PNPLA2: variants seen among roughly 807,000 people sequenced by gnomAD.
The protein encoded by PNPLA2 is patatin-like phospholipase domain-containing protein 2.
PNPLA2 carries 28 observed loss-of-function variants against 39.7 expected under a neutral mutation model. That is an observed-to-expected ratio of 0.70 (90% CI 0.52 to 0.97). The LOEUF (loss-of-function observed/expected upper bound fraction) is 0.97. PNPLA2 is among the 50% of genes least tolerant of loss of function. The pLI is 0.00. For missense variants in PNPLA2, 768 were observed against 698.2 expected (o/e 1.10, Z -1.13); for synonymous variants, 392 against 321.1 (o/e 1.22, Z -2.36).
intron 4 of PNPLA2, 42 bp downstream of exon 4, chr11:822,065 G>C (rs1393641991): frequency 6.4e-7 from 1 of 1,574,564 alleles, no homozygotes; most frequent in East Asian, 2.2e-5. Flanking sequence ...GGGGTGGGCC[G>C]TGGGATGAGG....
intron 1 of PNPLA2, chr11:819,341 A>T (rs1158485183): frequency 2.2e-6 from 2 of 909,030 alleles, no homozygotes; most frequent in Admixed American, 6.2e-5. Flanking sequence ...AGCCCACCCT[A>T]CACCCCTAGG....
Position 824,138 on chromosome 11 carries a change from G to A in PNPLA2, c.1052+8G>A, listed in dbSNP as rs1434530458. On this transcript the variant is annotated splice_region_variant and intron_variant, in intron 8 of 9. Transcript: ENST00000336615. ...TCTGTCCTTCACCATCCGGTGTGAGGGCTGGGGGGTCGGGAGAGGGGCCCA... is the reference window on the plus strand; with the variant it reads ...TCTGTCCTTCACCATCCGGTGTGAGAGCTGGGGGGTCGGGAGAGGGGCCCA... 1 of 1,591,296 alleles carries A rather than the reference G, an allele frequency of 6.3e-7. No individual in the cohort carries two copies. Among genetic ancestry groups the A allele is most frequent in the Admixed American group, 1.7e-5 (1 of 57,152 alleles).
At position 823,855 on chromosome 11, in the gene PNPLA2, G is replaced by C. The variant is rs1845765529; in HGVS notation, c.919G>C (p.Ala307Pro). Residue 307 changes from alanine to proline, a missense_variant and splice_region_variant, in exon 7 of 10, where the codon GCC (alanine) becomes CCC (proline). Ala to Pro is a conservative substitution (Grantham distance 27). Coordinates refer to ENST00000336615, the MANE Select transcript of PNPLA2 (RefSeq NM_020376.4). ...LEHLPARLNE[A>P]LLEACVEPTD... Reference sequence around the variant, plus strand: ...GCACCTGCCCGCCCGGCTCAATGAGGGTGCGCACCTGGGGGACGGGAGGGG... The same window carrying C: ...GCACCTGCCCGCCCGGCTCAATGAGCGTGCGCACCTGGGGGACGGGAGGGG... 2 of 1,583,966 alleles carry C rather than the reference G, an allele frequency of 1.3e-6. No homozygotes were observed. The highest frequency in any genetic ancestry group is 1.7e-6 in the Non-Finnish European group (2 of 1,166,394).
rs1456812776 is a variant in PNPLA2, at chr11:824,697, C to A, written c.1350C>A (p.Thr450=). Residue 450 remains threonine, a synonymous_variant, in exon 10 of 10, where the codon ACC becomes ACA. Coordinates refer to ENST00000336615, the MANE Select transcript of PNPLA2 (RefSeq NM_020376.4). ...AGCTGCTGCTCGGCCTCTTCTGCAC[C>A]AACGTGGCCTTCCCGCCCGAAGCTC... ...QRQLLLGLFC[T]NVAFPPEALR... is the part of the protein sequence containing the mutation. The A allele has an allele frequency of 6.3e-7, 1 of 1,594,842 alleles. No individual in the cohort carries two copies. Among genetic ancestry groups the A allele is most frequent in the Non-Finnish European group, 8.5e-7 (1 of 1,177,356 alleles).
chr11:819,635 C>G lies in PNPLA2; in HGVS notation c.-84C>G. On this transcript the variant is annotated 5_prime_UTR_variant, in exon 2 of 10. Coordinates refer to ENST00000336615, the MANE Select transcript of PNPLA2 (RefSeq NM_020376.4). ...GCCGCAGCGGGACCTGCCCGGCCCCCGGCTCCAGCGAGCGAGCGGCGAGCA... is the reference window on the plus strand; with the variant it reads ...GCCGCAGCGGGACCTGCCCGGCCCCGGGCTCCAGCGAGCGAGCGGCGAGCA... 7.4e-7 allele frequency: 1 copy of G among 1,357,658 alleles called. No homozygotes were observed. 84.1% of individuals were successfully genotyped at this position (1,357,658 alleles called of 1,614,324 possible).
Position 824,866 on chromosome 11 carries a change from C to T in PNPLA2, c.*4C>T, listed in dbSNP as rs1845835709. The T allele has an allele frequency of 6.5e-7, 1 of 1,532,856 alleles. No homozygotes were observed. The highest frequency in any genetic ancestry group is 8.7e-7 in the Non-Finnish European group (1 of 1,144,582). The allele number at this position is 1,532,856 out of a possible 1,614,324, so 95.0% of individuals were successfully genotyped here. ...GATCGGGGCCCTGGGGCTGTGAGACCCCGACCCTCTCGAGGAACCCTGCCT... is the reference window on the plus strand; with the variant it reads ...GATCGGGGCCCTGGGGCTGTGAGACTCCGACCCTCTCGAGGAACCCTGCCT... On this transcript the variant is annotated 3_prime_UTR_variant, in exon 10 of 10. Transcript: ENST00000336615.
At chr11:819,525 C>T in intron 1 of PNPLA2, 49 bp from the exon 2 acceptor site, 6 of 1,266,172 alleles carry the variant, frequency 4.7e-6, no homozygotes, top group Non-Finnish European at 6.0e-6. Flanking sequence ...GCCCCGCCCC[C>T]GCCGTGAGTC....
In PNPLA2 at chr11:821,623, C is replaced by T; in HGVS notation, c.188-5C>T. On this transcript the variant is annotated splice_region_variant and splice_polypyrimidine_tract_variant and intron_variant, in intron 2 of 9. Transcript: ENST00000336615. Reference sequence around the variant, plus strand: ...TGGGCCCCTAACCTTGGCCCTGTGCCCCAGGTGAGGCTGGTGCCAAGTTCA... The same window carrying T: ...TGGGCCCCTAACCTTGGCCCTGTGCTCCAGGTGAGGCTGGTGCCAAGTTCA... 6.2e-7 allele frequency: 1 copy of T among 1,610,998 alleles called. No homozygotes were observed. The highest frequency in any genetic ancestry group is 8.5e-7 in the Non-Finnish European group (1 of 1,177,584).
chr11:824,558 C>G lies in PNPLA2; in HGVS notation c.1211C>G (p.Ser404Trp). The G allele has an allele frequency of 1.9e-6, 3 of 1,562,540 alleles. No individual in the cohort carries two copies. Among genetic ancestry groups the G allele is most frequent in the Non-Finnish European group, 1.7e-6 (2 of 1,158,186 alleles). Residue 404 changes from serine to tryptophan, a missense_variant, in exon 10 of 10, where the codon TCG becomes TGG. Ser to Trp is a radical substitution (Grantham distance 177). Transcript: ENST00000336615. ...CAGGTGGAGCTGCGCCGCGTCCAGT[C>G]GCTGCCGTCCGTGCCGCTGTCCTGC... ...PEQVELRRVQ[S>W]LPSVPLSCAA...
chr11:820,026 G>C (rs1488680732), intron 2 of PNPLA2, 121 bp downstream of exon 2: 1 of 703,356 alleles, frequency 1.4e-6, no homozygotes, highest in Non-Finnish European at 2.0e-6. Context: ...GGAGGGTTCC[G>C]GTCCGCGCCT....
In PNPLA2 at chr11:824,867, C is replaced by T; in HGVS notation, c.*5C>T. 1.3e-6 allele frequency: 2 copies of T among 1,532,806 alleles called. No individual in the cohort carries two copies. The highest frequency in any genetic ancestry group is 2.0e-5 in the Admixed American group (1 of 50,964). The allele number at this position is 1,532,806 out of a possible 1,614,324, so 95.0% of individuals were successfully genotyped here. The stretch of plus-strand genomic sequence containing the variant: ...ATCGGGGCCCTGGGGCTGTGAGACC[C>T]CGACCCTCTCGAGGAACCCTGCCTG... On this transcript the variant is annotated 3_prime_UTR_variant, in exon 10 of 10. Transcript: ENST00000336615.
At position 823,801 on chromosome 11, in the gene PNPLA2, C is replaced by T. The variant is rs121918260; in HGVS notation, c.865C>T (p.Gln289Ter). Residue 289 changes from glutamine (Q) to a stop codon, truncating the protein, a stop_gained, in exon 7 of 10, where the codon CAG (glutamine) becomes TAG (stop). Coordinates refer to ENST00000336615, the MANE Select transcript of PNPLA2 (RefSeq NM_020376.4). LOFTEE classifies it high-confidence loss of function. Reference sequence around the variant, plus strand: ...GAGCGCCCAAGCGGAGGATTACTCGCAGCTGCCCGGAGAAGATCACATCCT... The same window carrying T: ...GAGCGCCCAAGCGGAGGATTACTCGTAGCTGCCCGGAGAAGATCACATCCT... ...VESAQAEDYS[Q>*]LPGEDHILEH... The T allele has an allele frequency of 4.4e-6, 7 of 1,605,464 alleles. No individual in the cohort carries two copies. Among genetic ancestry groups the T allele is most frequent in the Middle Eastern group, 1.7e-4 (1 of 6,050 alleles).
At position 822,624 on chromosome 11, in the gene PNPLA2, G is replaced by A. The variant is rs199498817; in HGVS notation, c.696+18G>A. Reference sequence around the variant, plus strand: ...AGCCCCTGGTGAGCTCTGCTCCGAGGACTGTGGCCTTCCCAGCCACTCCTC... The same window carrying A: ...AGCCCCTGGTGAGCTCTGCTCCGAGAACTGTGGCCTTCCCAGCCACTCCTC... On this transcript the variant is annotated intron_variant, in intron 5 of 9. Transcript: ENST00000336615. 66 of 1,596,938 alleles carry A rather than the reference G, an allele frequency of 4.1e-5. No individual in the cohort carries two copies. In the East Asian group the frequency reaches 1.4e-3, roughly 35 times the overall value.
Position 824,786 on chromosome 11 carries a change from A to G in PNPLA2, c.1439A>G (p.Gln480Arg), listed in dbSNP as rs781550456. Residue 480 changes from glutamine (Q) to arginine (R), a missense_variant, in exon 10 of 10, where the codon CAG (glutamine) becomes CGG (arginine). Coordinates refer to ENST00000336615, the MANE Select transcript of PNPLA2 (RefSeq NM_020376.4). Reference protein sequence around the residue: ...APADPASPQHQLAGPAPLLST... With the variant: ...APADPASPQHRLAGPAPLLST... ...GCGGACCCAGCATCCCCGCAGCACC[A>G]GCTGGCCGGGCCTGCCCCCTTGCTG... 5.9e-6 allele frequency: 9 copies of G among 1,536,434 alleles called. No individual in the cohort carries two copies. Among genetic ancestry groups the G allele is most frequent in the Non-Finnish European group, 7.8e-6 (9 of 1,147,090 alleles).
Position 819,891 on chromosome 11 carries a change from C to G in PNPLA2, c.173C>G (p.Thr58Ser). The part of the protein sequence containing the change: ...AGALTATALV[T>S]GVCLGEAGAK... Reference sequence around the variant, plus strand: ...GCGCTCACGGCCACGGCGCTGGTCACCGGGGTCTGCCTGGGTGAGCGGGGC... The same window carrying G: ...GCGCTCACGGCCACGGCGCTGGTCAGCGGGGTCTGCCTGGGTGAGCGGGGC... The change falls in exon 2 of 10, where the codon ACC becomes AGC. Residue 58 changes from threonine (T) to serine (S), a missense_variant. Thr to Ser is a moderately conservative substitution (Grantham distance 58). Transcript: ENST00000336615. 7.0e-7 allele frequency: 1 copy of G among 1,425,050 alleles called. No homozygotes were observed. The highest frequency in any genetic ancestry group is 9.2e-7 in the Non-Finnish European group (1 of 1,089,604). 88.3% of individuals were successfully genotyped at this position (1,425,050 alleles called of 1,614,324 possible).
intron 2 of PNPLA2, among the ~76,000 whole-genome samples, chr11:820,296 G>T (rs1464799663): frequency 6.6e-6 from 1 of 152,260 alleles, no homozygotes; most frequent in Non-Finnish European, 1.5e-5. Flanking sequence ...GGCTTCCGCA[G>T]TTGCAGGCTG....
intron 1 of PNPLA2, chr11:819,356 T>C (rs1590173178): frequency 1.0e-6 from 1 of 957,718 alleles, no homozygotes; most frequent in East Asian, 1.1e-4. Flanking sequence ...CCTAGGCGTG[T>C]GCCCCCAGCC....
chr11:825,190 A>G lies in PNPLA2; in HGVS notation c.*328A>G, dbSNP rs985065734. The G allele has an allele frequency of 2.0e-5, 9 of 455,862 alleles. No individual in the cohort carries two copies. The highest frequency in any genetic ancestry group is 2.8e-5 in the Non-Finnish European group (7 of 250,698). 28.2% of individuals were successfully genotyped at this position (455,862 alleles called of 1,614,324 possible). A position where few individuals can be genotyped will look rare whatever the true frequency, so the allele number is the denominator to read the frequency against. On this transcript the variant is annotated 3_prime_UTR_variant, in exon 10 of 10. Transcript: ENST00000336615. ...TGTGAAGAATTATTTATTTTCGCCA[A>G]AGCACATGTAATAAATGCTGCAGCC...
chr11:823,642 C>T, intron 6 of PNPLA2, 52 bp from the exon 7 acceptor site: 2 of 1,600,056 alleles, frequency 1.2e-6, no homozygotes, highest in African/African-American at 1.3e-5. Context: ...CTACCCCCTG[C>T]GGGCCGCGGC....
Sources: gnomAD v4.1 joint callset for allele counts (sites outside exome capture counted in the v4.1 genomes callset) on GRCh38, gnomAD v4.1.1 for gene constraint, MANE v1.5 for transcripts, NCBI Gene and HGNC (gene_info 2026-07-23, HGNC 2026-07-21) for gene names.